MBNL1: variants seen among roughly 807,000 people sequenced by gnomAD.
MBNL1 encodes the protein muscleblind-like protein 1.
In MBNL1, 8 loss-of-function variants were observed where a neutral mutation model predicts 42.2. That is an observed-to-expected ratio of 0.19 (90% CI 0.11 to 0.34). The LOEUF (loss-of-function observed/expected upper bound fraction) is 0.34. MBNL1 is among the 10% of genes least tolerant of loss of function. The probability of loss-of-function intolerance (pLI) is 1.00; values close to 1 mark genes in which losing one functional copy is unlikely to be tolerated. For synonymous variants in MBNL1, 169 were observed against 173.9 expected (o/e 0.97, Z 0.22); for missense variants, 309 against 495.3 (o/e 0.62, Z 3.57).
At chr3:152,393,373 A>C (rs2097794801) in intron 2 of MBNL1, among the ~76,000 whole-genome samples, 8 of 152,368 alleles carry the variant, frequency 5.3e-5, no homozygotes, top group Admixed American at 1.3e-4. Context: ...GGTATCAGAT[A>C]ACTTTTAATG....
At chr3:152,422,488 C>T (rs2098823422) in intron 3 of MBNL1, among the ~76,000 whole-genome samples, 1 of 152,144 alleles carries the variant, frequency 6.6e-6, no homozygotes, top group Admixed American at 6.5e-5. Context: ...TAGACTCCCA[C>T]ACAATAATAA....
intron 2 of MBNL1, among the ~76,000 whole-genome samples, chr3:152,410,067 T>C (rs1395985914): frequency 6.6e-6 from 1 of 152,064 alleles, no homozygotes; most frequent in Admixed American, 6.5e-5. Flanking sequence ...ATTAATTACC[T>C]AGCTTCCATT....
intron 2 of MBNL1, among the ~76,000 whole-genome samples, chr3:152,252,681 C>T (rs576812284): frequency 6.6e-6 from 1 of 152,184 alleles, no homozygotes; most frequent in South Asian, 2.1e-4. Flanking sequence ...AAGTAGATAG[C>T]TGTAGTCACA....
chr3:152,360,993 A>G (rs1002588946), intron 2 of MBNL1, among the ~76,000 whole-genome samples: 1 of 152,172 alleles, frequency 6.6e-6, no homozygotes, highest in Non-Finnish European at 1.5e-5. Flanking sequence ...AAAGCCTTGA[A>G]GGTTTCAATG....
intron 2 of MBNL1, among the ~76,000 whole-genome samples, chr3:152,311,916 C>T (rs1267089165): frequency 3.3e-5 from 5 of 151,248 alleles, no homozygotes; most frequent in South Asian, 4.2e-4. Context: ...CTCGGATGGG[C>T]GCGGTGGCTC....
chr3:152,430,631 G>A lies in MBNL1; in HGVS notation c.346-2086G>A, dbSNP rs2098994288. Among the ~76,000 whole-genome samples the A allele has an allele frequency of 4.0e-5, 6 of 149,700 alleles. No homozygotes were observed. In the South Asian group the frequency reaches 1.3e-3, roughly 33 times the overall value. The stretch of plus-strand genomic sequence containing the variant: ...TGAATATCCTTGAATAGAAATCCAA[G>A]TTCAACATATATTCAGTATACAATC... On this transcript the variant is annotated intron_variant, in intron 3 of 9. Transcript: ENST00000324210.
In MBNL1 at chr3:152,382,111, T is replaced by G. The variant is rs1336117652; in HGVS notation, c.175-32830T>G. On this transcript the variant is annotated intron_variant, in intron 2 of 9. Transcript: ENST00000324210. ...TGTTTAGTAAGCAGAGGTGGTAATA[T>G]TCAACCAAGTAAGCAAATATAAGTA... Among the ~76,000 whole-genome samples the G allele has an allele frequency of 2.6e-5, 4 of 152,136 alleles. No individual in the cohort carries two copies. The East Asian group carries it at 7.7e-4, about 29-fold the overall frequency.
At chr3:152,306,419 A>T (rs1347128613) in intron 2 of MBNL1, among the ~76,000 whole-genome samples, 1 of 152,118 alleles carries the variant, frequency 6.6e-6, no homozygotes, top group Non-Finnish European at 1.5e-5. Flanking sequence ...CAAAATTGCA[A>T]TGTGGCCACT....
At chr3:152,330,071 C>T (rs1359272423) in intron 2 of MBNL1, among the ~76,000 whole-genome samples, 1 of 152,086 alleles carries the variant, frequency 6.6e-6, no homozygotes, top group Non-Finnish European at 1.5e-5. Flanking sequence ...TCATTAATCC[C>T]TAGTCTCTAC....
chr3:152,319,234 A>G (rs369405311), intron 2 of MBNL1, among the ~76,000 whole-genome samples: 66 of 152,264 alleles, frequency 4.3e-4, no homozygotes, highest in African/African-American at 1.3e-3. Context: ...GCAGTGTTCA[A>G]TGGTTTTGTT....
intron 2 of MBNL1, among the ~76,000 whole-genome samples, chr3:152,376,801 T>TGC (rs2096924262): frequency 6.6e-6 from 1 of 152,020 alleles, no homozygotes; most frequent in Non-Finnish European, 1.5e-5. Context: ...CACACGTGCA[T>TGC]GCGCACACAC....
upstream of MBNL1, chr3:152,267,862 T>A (rs2037680703): frequency 6.6e-6 from 1 of 152,208 alleles, no homozygotes; most frequent in Non-Finnish European, 1.5e-5. Flanking sequence ...GCAGGAAGAA[T>A]GTTGTACCAT....
At position 152,455,667 on chromosome 3, in the gene MBNL1, A is replaced by G. The variant is rs945565257; in HGVS notation, c.997+90A>G. The G allele has an allele frequency of 1.7e-5, 19 of 1,141,692 alleles. No individual in the cohort carries two copies. The East Asian group carries it at 3.3e-4, about 20-fold the overall frequency. 70.7% of individuals were successfully genotyped at this position (1,141,692 alleles called of 1,614,324 possible). On this transcript the variant is annotated intron_variant, in intron 7 of 9. Coordinates refer to ENST00000324210, the MANE Select transcript of MBNL1 (RefSeq NM_021038.5). ...CCACTGCTAAGTTTAACTTATATCT[A>G]TTGGGCAAGTCCATTTCCCTTTTAC...
intron 2 of MBNL1, among the ~76,000 whole-genome samples, chr3:152,413,942 A>G (rs1406517192): frequency 6.6e-6 from 1 of 152,152 alleles, no homozygotes; most frequent in African/African-American, 2.4e-5. Flanking sequence ...TGTACTTATG[A>G]TTTTATAGTA....
At chr3:152,320,679 CTTTCT>C (rs1330691062) in intron 2 of MBNL1, among the ~76,000 whole-genome samples, 1 of 129,468 alleles carries the variant, frequency 7.7e-6, no homozygotes, top group African/African-American at 2.7e-5. Flanking sequence ...TCAGTTTTTT[CTTTCT>C]TTTTTTTTTT....
intron 1 of MBNL1, among the ~76,000 whole-genome samples, chr3:152,274,787 T>C (rs2043948544): frequency 2.0e-5 from 3 of 152,182 alleles, no homozygotes; most frequent in South Asian, 2.1e-4. Flanking sequence ...ATAGATTTTG[T>C]CATTAGTTTT....
rs571336227 is a variant in MBNL1 at position 152,332,754 on chromosome 3, G to A, written c.174+32387G>A. ...TGTGTGTGTGTGCGCGCGCGCATGCGCACACACTAGTTTATATTAGGTTAG... is the reference window on the plus strand; with the variant it reads ...TGTGTGTGTGTGCGCGCGCGCATGCACACACACTAGTTTATATTAGGTTAG... On this transcript the variant is annotated intron_variant, in intron 2 of 9. Coordinates refer to ENST00000324210, the MANE Select transcript of MBNL1 (RefSeq NM_021038.5). Among the ~76,000 whole-genome samples, 15 of 148,904 alleles carry A rather than the reference G, an allele frequency of 1.0e-4. No individual in the cohort carries two copies. In the South Asian group the frequency reaches 1.1e-3, roughly 11 times the overall value.
At position 152,300,320 on chromosome 3, in the gene MBNL1, T is replaced by G. The variant is rs1219075240; in HGVS notation, c.127T>G (p.Cys43Gly). Residue 43 changes from cysteine (C) to glycine (G), a missense_variant, in exon 2 of 10, where the codon TGC (cysteine) becomes GGC (glycine). By Grantham distance (159) the Cys-to-Gly change is radical. Transcript: ENST00000324210. ...ECKFAHPSKS[C>G]QVENGRVIAC... Reference sequence around the variant, plus strand: ...TAAATTTGCACATCCTTCGAAAAGCTGCCAAGTTGAAAATGGACGAGTAAT... The same window carrying G: ...TAAATTTGCACATCCTTCGAAAAGCGGCCAAGTTGAAAATGGACGAGTAAT... 6.2e-7 allele frequency: 1 copy of G among 1,614,118 alleles called. No individual in the cohort carries two copies. Among genetic ancestry groups the G allele is most frequent in the Non-Finnish European group, 8.5e-7 (1 of 1,179,956 alleles).
Position 152,352,932 on chromosome 3 carries a change from ACTT to A in MBNL1, c.174+52569_174+52571del, listed in dbSNP as rs538480619. ...TTTTTAGGGAGGTGCATGGATGTAA[ACTT>A]CTTGGATTATGTAGTACGTTATGAA... is the stretch of plus-strand genomic sequence containing the variant. On this transcript the variant is annotated intron_variant, in intron 2 of 9. Coordinates refer to ENST00000324210, the MANE Select transcript of MBNL1 (RefSeq NM_021038.5). Among the ~76,000 whole-genome samples, 10 of 152,288 alleles carry A rather than the reference ACTT, an allele frequency of 6.6e-5. No homozygotes were observed. In the South Asian group the frequency reaches 2.1e-3, roughly 32 times the overall value.
Sources: gnomAD v4.1 joint callset for allele counts (sites outside exome capture counted in the v4.1 genomes callset) on GRCh38, gnomAD v4.1.1 for gene constraint, MANE v1.5 for transcripts, NCBI Gene and HGNC (gene_info 2026-07-23, HGNC 2026-07-21) for gene names.